The following TMC3 variants were observed in gnomAD, a reference collection of about 807,000 sequenced individuals.
TMC3 encodes the protein transmembrane channel-like protein 3.
TMC3 carries 98 observed loss-of-function variants against 110.6 expected under a neutral mutation model. That is an observed-to-expected ratio of 0.89 (90% CI 0.75 to 1.05). The LOEUF (loss-of-function observed/expected upper bound fraction) is 1.05. TMC3 is among the 50% of genes least tolerant of loss of function. The pLI, the probability that TMC3 is intolerant of heterozygous loss-of-function variation, is 0.00. For synonymous variants in TMC3, 489 were observed against 513.1 expected (o/e 0.95, Z 0.63); for missense variants, 1,319 against 1,373.2 (o/e 0.96, Z 0.62).
At position 81,356,518 on chromosome 15, in the gene TMC3, C is replaced by T; in HGVS notation, c.820G>A (p.Ala274Thr). 6.4e-7 allele frequency: 1 copy of T among 1,572,902 alleles called. No individual in the cohort carries two copies. Among genetic ancestry groups the T allele is most frequent in the East Asian group, 2.3e-5 (1 of 42,718 alleles). ...NYTFCWRVFC[A>T]WDYLIGNPEA... ...GGGTTTCCAATGAGGTAATCCCAGG[C>T]ACAGAACACCCGCCAGCAGAAGGTA... Residue 274 changes from alanine (A) to threonine (T), a missense_variant, in exon 8 of 22, where the codon GCC (alanine) becomes ACC (threonine). Coordinates refer to ENST00000359440, the MANE Select transcript of TMC3 (RefSeq NM_001080532.3).
Position 81,374,155 on chromosome 15 carries a change from T to C in TMC3, c.-78A>G. 1 of 1,322,270 alleles carries C rather than the reference T, an allele frequency of 7.6e-7. No homozygotes were observed. Among genetic ancestry groups the C allele is most frequent in the Admixed American group, 1.9e-5 (1 of 53,334 alleles). The allele number at this position is 1,322,270 out of a possible 1,614,324, so 81.9% of individuals were successfully genotyped here. On this transcript the variant is annotated 5_prime_UTR_variant, in exon 1 of 22. Coordinates refer to ENST00000359440, the MANE Select transcript of TMC3 (RefSeq NM_001080532.3). The stretch of plus-strand genomic sequence containing the variant: ...GGCAGGCAAAGGTCTGTTCCGAGGT[T>C]TCTGAATGGAAGCAGCGGAGTTTGC...
At chr15:81,359,273 C>A (rs1894133188) in intron 5 of TMC3, 92 bp downstream of exon 5, 1 of 922,894 alleles carries the variant, frequency 1.1e-6, no homozygotes, top group Non-Finnish European at 1.6e-6. Context: ...CATATATTTT[C>A]ATCCCCACAA....
intron 2 of TMC3, among the ~76,000 whole-genome samples, chr15:81,371,644 T>C (rs959692338): frequency 3.3e-5 from 5 of 152,228 alleles, no homozygotes; most frequent in Non-Finnish European, 2.9e-5. Context: ...TACTCACTCT[T>C]AGTGAGTGAC....
At chr15:81,369,315 C>A (rs906411954) in intron 2 of TMC3, among the ~76,000 whole-genome samples, 10 of 152,006 alleles carry the variant, frequency 6.6e-5, no homozygotes, top group African/African-American at 1.7e-4. Context: ...AACCAGAGTT[C>A]TTGGTTTTGG....
At chr15:81,361,322 G>C in intron 4 of TMC3, among the ~76,000 whole-genome samples, 1 of 152,096 alleles carries the variant, frequency 6.6e-6, no homozygotes, top group Admixed American at 6.5e-5. Context: ...TGAATCAATT[G>C]TTCCAGTGAT....
intron 16 of TMC3, among the ~76,000 whole-genome samples, chr15:81,339,773 A>G (rs1279490832): frequency 1.3e-5 from 2 of 152,222 alleles, no homozygotes; most frequent in Non-Finnish European, 2.9e-5. Context: ...CTCAAACCAT[A>G]AAAGTGGTGA....
chr15:81,371,832 A>G (rs1433029389), intron 2 of TMC3, among the ~76,000 whole-genome samples: 2 of 152,200 alleles, frequency 1.3e-5, no homozygotes, highest in Admixed American at 6.5e-5. Context: ...GCAATCAGGG[A>G]TTTTGAATTT....
rs759498485 is a variant in TMC3 at position 81,372,634 on chromosome 15, G to A, written c.193C>T (p.Arg65Cys). ...QFQKDLMANI[R>C]CRPWTMGQKL... The stretch of plus-strand genomic sequence containing the variant: ...TGTCCCATAGTCCAGGGTCTGCAGC[G>A]AATGTTTGCCATGAGATCTTTCTGG... Residue 65 changes from arginine to cysteine, a missense_variant, in exon 2 of 22, where the codon CGC (arginine) becomes TGC (cysteine). Arg to Cys is a radical substitution (Grantham distance 180). Coordinates refer to ENST00000359440, the MANE Select transcript of TMC3 (RefSeq NM_001080532.3). 3.7e-6 allele frequency: 6 copies of A among 1,613,712 alleles called. No individual in the cohort carries two copies. Among genetic ancestry groups the A allele is most frequent in the East Asian group, 2.2e-5 (1 of 44,902 alleles).
At chr15:81,371,354 A>C (rs1194917385) in intron 2 of TMC3, among the ~76,000 whole-genome samples, 1 of 152,242 alleles carries the variant, frequency 6.6e-6, no homozygotes, top group Non-Finnish European at 1.5e-5. Context: ...CCTGGAATGC[A>C]AATCTAAGGA....
At position 81,334,946 on chromosome 15, in the gene TMC3, T is replaced by C; in HGVS notation, c.2233A>G (p.Lys745Glu). The C allele has an allele frequency of 6.2e-7, 1 of 1,614,014 alleles. No homozygotes were observed. The highest frequency in any genetic ancestry group is 8.5e-7 in the Non-Finnish European group (1 of 1,179,868). The change falls in exon 21 of 22, where the codon AAG becomes GAG. Residue 745 changes from lysine to glutamate, a missense_variant. Coordinates refer to ENST00000359440, the MANE Select transcript of TMC3 (RefSeq NM_001080532.3). ...ARIQTQEEST[K>E]KLPNDSDLTS... Reference sequence around the variant, plus strand: ...AGATCACTGTCGTTTGGAAGCTTCTTGGTGCTTTCTTCCTGGGTCTGGATT... The same window carrying C: ...AGATCACTGTCGTTTGGAAGCTTCTCGGTGCTTTCTTCCTGGGTCTGGATT...
chr15:81,353,493 G>T (rs2141711308), intron 9 of TMC3, among the ~76,000 whole-genome samples: 1 of 152,198 alleles, frequency 6.6e-6, no homozygotes, highest in East Asian at 1.9e-4. Flanking sequence ...CCCTATACAG[G>T]TGTACCATTT....
At position 81,332,859 on chromosome 15, in the gene TMC3, T is replaced by C. The variant is rs1893498550; in HGVS notation, c.2863A>G (p.Lys955Glu). ...EEETPSRDWI[K>E]RSLPPRSLID... is the part of the protein sequence containing the mutation. ...AGGGAGCGTGGGGGAAGAGACCGTT[T>C]GATCCAATCTCTGCTTGGCGTCTCC... Residue 955 changes from lysine to glutamate, a missense_variant, in exon 22 of 22, where the codon AAA (lysine) becomes GAA (glutamate). Lys to Glu is a moderately conservative substitution (Grantham distance 56). Transcript: ENST00000359440. 2 of 1,613,422 alleles carry C rather than the reference T, an allele frequency of 1.2e-6. No individual in the cohort carries two copies. Among genetic ancestry groups the C allele is most frequent in the Non-Finnish European group, 1.7e-6 (2 of 1,179,876 alleles).
intron 21 of TMC3, among the ~76,000 whole-genome samples, chr15:81,334,113 A>G (rs1042225382): frequency 5.3e-5 from 8 of 152,166 alleles, no homozygotes; most frequent in African/African-American, 1.9e-4. Context: ...CCACAGAGAC[A>G]GGCAGACAAC....
chr15:81,371,116 T>C (rs1012451023), intron 2 of TMC3, among the ~76,000 whole-genome samples: 99 of 152,230 alleles, frequency 6.5e-4, no homozygotes, highest in African/African-American at 2.4e-3. Flanking sequence ...AGAAACTGTG[T>C]AGCTTGGGTT....
rs2141694443 is a variant in TMC3, at chr15:81,339,493, A to C, written c.1856T>G (p.Phe619Cys). Reference protein sequence around the residue: ...QVFRASRSNNFYLAMLLFMLF... With the variant: ...QVFRASRSNNCYLAMLLFMLF... The stretch of plus-strand genomic sequence containing the variant: ...CATAAACAGGAGCATTGCCAAGTAG[A>C]AGTTGTTGGATCTGCAGATAAATCA... The change falls in exon 17 of 22, where the codon TTC becomes TGC. Residue 619 changes from phenylalanine (F) to cysteine (C), a missense_variant. Phe to Cys is a radical substitution (Grantham distance 205, BLOSUM62 -2). Transcript: ENST00000359440. 2 of 1,600,212 alleles carry C rather than the reference A, an allele frequency of 1.2e-6. No individual in the cohort carries two copies. Among genetic ancestry groups the C allele is most frequent in the Non-Finnish European group, 1.7e-6 (2 of 1,173,046 alleles).
At chr15:81,333,405 G>C (rs765047675) in intron 21 of TMC3, 143 bp from the exon 22 acceptor site, 2 of 1,164,832 alleles carry the variant, frequency 1.7e-6, no homozygotes, top group Non-Finnish European at 2.4e-6. Context: ...TGTGTGCACA[G>C]AGACATTTGG....
chr15:81,370,417 G>T (rs1476559702), intron 2 of TMC3, among the ~76,000 whole-genome samples: 1 of 152,136 alleles, frequency 6.6e-6, no homozygotes. Context: ...TGCTCAGAGG[G>T]CCAGCTGCAC....
rs372216028 is a variant in TMC3, at chr15:81,343,421, A to G, written c.1648-76T>C. On this transcript the variant is annotated intron_variant, in intron 14 of 21. Coordinates refer to ENST00000359440, the MANE Select transcript of TMC3 (RefSeq NM_001080532.3). ...ATGAACCAATTAATTACAGACACCTATATAGACTTCTTTGCTCTTATGAAC... is the reference window on the plus strand; with the variant it reads ...ATGAACCAATTAATTACAGACACCTGTATAGACTTCTTTGCTCTTATGAAC... 1.0e-4 allele frequency: 95 copies of G among 925,442 alleles called. 1 individual carries two copies. In the African/African-American group the frequency reaches 1.2e-3, roughly 12 times the overall value. 57.3% of individuals were successfully genotyped at this position (925,442 alleles called of 1,614,324 possible).
intron 12 of TMC3, 140 bp from the exon 13 acceptor site, chr15:81,345,151 T>G (rs1253645332): frequency 7.1e-7 from 1 of 1,409,270 alleles, no homozygotes; most frequent in Non-Finnish European, 9.4e-7. Flanking sequence ...CTCTTTCTCT[T>G]TCTAGACCAT....
Sources: gnomAD v4.1 joint callset for allele counts (sites outside exome capture counted in the v4.1 genomes callset) on GRCh38, gnomAD v4.1.1 for gene constraint, MANE v1.5 for transcripts, NCBI Gene and HGNC (gene_info 2026-07-23, HGNC 2026-07-21) for gene names.